Variants in SCAI observed in about 807,000 individuals in gnomAD.
The protein encoded by SCAI is suppressor of cancer cell invasion, also known as protein SCAI.
Under a neutral mutation model 92.2 loss-of-function variants are expected in SCAI, and 24 were observed. The ratio of observed to expected loss-of-function variants is 0.26; its 90% confidence interval spans 0.19 to 0.37. SCAI has a LOEUF of 0.37. Ranked by LOEUF, SCAI falls within the 10% of genes least tolerant of loss-of-function variation. SCAI has a pLI of 1.00. For missense variants in SCAI, 450 were observed against 736.2 expected (o/e 0.61, Z 4.50); for synonymous variants, 261 against 258.6 (o/e 1.01, Z -0.09).
At chr9:125,115,080 ACT>A (rs1051148244) in intron 2 of SCAI, among the ~76,000 whole-genome samples, 2 of 151,236 alleles carry the variant, frequency 1.3e-5, no homozygotes, top group Non-Finnish European at 3.0e-5. Context: ...GCCTAAAGAA[ACT>A]CTTGAAGCAG....
At chr9:125,113,231 G>A (rs1184416883) in intron 2 of SCAI, among the ~76,000 whole-genome samples, 1 of 152,182 alleles carries the variant, frequency 6.6e-6, no homozygotes, top group Non-Finnish European at 1.5e-5. Context: ...ACAGAAATAA[G>A]TCATGCAGAA....
chr9:125,003,831 A>G lies in SCAI; in HGVS notation c.862-261T>C. Reference sequence around the variant, plus strand: ...TTCACATACCTCTCCAGCCATATACATGTTTACTAATCAATAAACTTCCTC... The same window carrying G: ...TTCACATACCTCTCCAGCCATATACGTGTTTACTAATCAATAAACTTCCTC... On this transcript the variant is annotated intron_variant, in intron 9 of 17. Coordinates refer to ENST00000336505, the MANE Select transcript of SCAI (RefSeq NM_001144877.3). 7.7e-6 allele frequency: 3 copies of G among 388,138 alleles called. No homozygotes were observed. In the South Asian group the frequency reaches 1.1e-4, roughly 14 times the overall value. The allele number at this position is 388,138 out of a possible 1,614,324, so 24.0% of individuals were successfully genotyped here. A position where few individuals can be genotyped will look rare whatever the true frequency, so the allele number is the denominator to read the frequency against.
At chr9:125,018,756 T>A in intron 9 of SCAI, 43 bp downstream of exon 9, 1 of 1,524,464 alleles carries the variant, frequency 6.6e-7, no homozygotes, top group Non-Finnish European at 9.0e-7. Flanking sequence ...TAGCACTATT[T>A]TTCACAGTGA....
intron 14 of SCAI, among the ~76,000 whole-genome samples, chr9:124,994,133 C>T (rs62583420): frequency 0.024 from 3,635 of 151,180 alleles, 52 homozygotes; most frequent in Middle Eastern, 0.058. Flanking sequence ...CTCCCAGGTT[C>T]AAGTGAGTCT....
chr9:125,003,913 C>T (rs4240489), intron 9 of SCAI, among the ~76,000 whole-genome samples: 33,589 of 152,010 alleles, frequency 0.22, 4,109 homozygotes, highest in African/African-American at 0.3. Context: ...TGGTGACTCA[C>T]GCCTATAATC....
intron 9 of SCAI, among the ~76,000 whole-genome samples, chr9:125,014,858 A>G (rs1261552955): frequency 3.3e-5 from 5 of 152,216 alleles, no homozygotes; most frequent in South Asian, 2.1e-4. Context: ...AACAGAACAG[A>G]GCCCTCAGAA....
At chr9:124,962,642 G>A (rs1229801570) in intron 17 of SCAI, among the ~76,000 whole-genome samples, 1 of 151,968 alleles carries the variant, frequency 6.6e-6, no homozygotes, top group Non-Finnish European at 1.5e-5. Flanking sequence ...ATCTTAAAAT[G>A]GCATGCAACC....
At chr9:125,129,090 A>G (rs1056567633) in intron 2 of SCAI, among the ~76,000 whole-genome samples, 1 of 151,794 alleles carries the variant, frequency 6.6e-6, no homozygotes, top group African/African-American at 2.4e-5. Flanking sequence ...AATTCAAAAA[A>G]TTGTTTCAGT....
intron 17 of SCAI, among the ~76,000 whole-genome samples, chr9:124,962,609 C>T (rs989428197): frequency 2.0e-5 from 3 of 152,052 alleles, no homozygotes; most frequent in African/African-American, 7.2e-5. Flanking sequence ...TCTTTTTTTA[C>T]AACACTCCTT....
At chr9:125,138,447 C>T (rs1588258084) in intron 2 of SCAI, among the ~76,000 whole-genome samples, 1 of 151,202 alleles carries the variant, frequency 6.6e-6, no homozygotes, top group Non-Finnish European at 1.5e-5. Flanking sequence ...GGCGGAGTCT[C>T]GCTGTCGCCC....
At chr9:125,096,866 T>A (rs1419923834) in intron 2 of SCAI, among the ~76,000 whole-genome samples, 1 of 152,252 alleles carries the variant, frequency 6.6e-6, no homozygotes, top group Non-Finnish European at 1.5e-5. Flanking sequence ...GCAACTGGCC[T>A]TATTCACTTA....
At chr9:125,057,296 A>C (rs1381600923) in intron 2 of SCAI, among the ~76,000 whole-genome samples, 1 of 152,234 alleles carries the variant, frequency 6.6e-6, no homozygotes, top group Non-Finnish European at 1.5e-5. Flanking sequence ...TTAAATATAT[A>C]AAAGAAAAAG....
At chr9:125,025,188 A>G (rs370992375) in intron 6 of SCAI, among the ~76,000 whole-genome samples, 12 of 152,302 alleles carry the variant, frequency 7.9e-5, no homozygotes, top group African/African-American at 2.9e-4. Flanking sequence ...CTAACTACAC[A>G]CAGCAAGGTC....
rs573988821 is a variant in SCAI at position 125,063,184 on chromosome 9, C to T, written c.99-7177G>A. Among the ~76,000 whole-genome samples the T allele has an allele frequency of 4.3e-4, 65 of 150,704 alleles. 1 individual carries two copies. In the South Asian group the frequency reaches 0.013, roughly 30 times the overall value. ...CAGCACTTTGGGAGGCTGAGGTGGG[C>T]GGATCACTTGGATTGGGTGTTCGAG... On this transcript the variant is annotated intron_variant, in intron 2 of 17. Transcript: ENST00000336505.
At chr9:125,023,067 A>T (rs754975766) in intron 6 of SCAI, among the ~76,000 whole-genome samples, 1 of 152,146 alleles carries the variant, frequency 6.6e-6, no homozygotes. Flanking sequence ...CTTCTTTCAT[A>T]TTATTGTTAT....
At chr9:124,991,938 A>T (rs1383301956) in intron 14 of SCAI, among the ~76,000 whole-genome samples, 3 of 152,200 alleles carry the variant, frequency 2.0e-5, no homozygotes, top group Non-Finnish European at 4.4e-5. Context: ...TTTATTAGAG[A>T]TACGGTGTTG....
chr9:125,072,014 G>A (rs925767238), intron 2 of SCAI, among the ~76,000 whole-genome samples: 1 of 149,638 alleles, frequency 6.7e-6, no homozygotes, highest in East Asian at 2.0e-4. Context: ...AAGAGACAGG[G>A]GATAGTAGAT....
chr9:125,055,489 T>G (rs1415347299), intron 3 of SCAI, among the ~76,000 whole-genome samples: 1 of 151,774 alleles, frequency 6.6e-6, no homozygotes, highest in African/African-American at 2.4e-5. Flanking sequence ...AAAGAAAGAA[T>G]AAAAGAAACA....
At chr9:124,969,837 C>G (rs538214198) in intron 17 of SCAI, among the ~76,000 whole-genome samples, 2 of 152,172 alleles carry the variant, frequency 1.3e-5, no homozygotes, top group African/African-American at 2.4e-5. Flanking sequence ...GAAACTGATA[C>G]AAGAATTTCA....
Sources: gnomAD v4.1 joint callset for allele counts (sites outside exome capture counted in the v4.1 genomes callset) on GRCh38, gnomAD v4.1.1 for gene constraint, MANE v1.5 for transcripts, NCBI Gene and HGNC (gene_info 2026-07-23, HGNC 2026-07-21) for gene names.